Variants in TVP23A observed in about 807,000 individuals in gnomAD.
The protein encoded by TVP23A is Golgi apparatus membrane protein TVP23 homolog A.
In TVP23A, 21 loss-of-function variants were observed where a neutral mutation model predicts 31.7. That is an observed-to-expected ratio of 0.66 (90% CI 0.47 to 0.95). The LOEUF is 0.95. Ranked by LOEUF, TVP23A falls within the 40% of genes least tolerant of loss-of-function variation. The pLI is 0.00. For missense variants in TVP23A, 279 were observed against 255.6 expected, an observed-to-expected ratio of 1.09 and a Z score of -0.62; for synonymous variants, 104 against 96.0, an observed-to-expected ratio of 1.08 and a Z score of -0.49.
intron 2 of TVP23A, among the ~76,000 whole-genome samples, chr16:10,783,105 T>C (rs983765043): frequency 6.6e-6 from 1 of 152,156 alleles, no homozygotes; most frequent in Non-Finnish European, 1.5e-5. Context: ...GGAAGGGATA[T>C]GAGGGAGACT....
rs556556720 is a variant in TVP23A, at chr16:10,789,830, C to CAA, written c.90-14736_90-14735dup. 9.5e-4 allele frequency among the ~76,000 whole-genome samples: 84 copies of CAA among 88,474 alleles called. 1 individual carries two copies. The highest frequency in any genetic ancestry group is 2.4e-3 in the African/African-American group (67 of 28,334). 58.0% of individuals were successfully genotyped at this position (88,474 alleles called of 152,430 possible). A position where few individuals can be genotyped will look rare whatever the true frequency, so the allele number is the denominator to read the frequency against. ...TGGATGACAGAGTGAGACTCTGTCTCAAAAAAAAAAAAAAAAGGTACAATG... is the reference window on the plus strand; with the variant it reads ...TGGATGACAGAGTGAGACTCTGTCTCAAAAAAAAAAAAAAAAAAGGTACAATG... On this transcript the variant is annotated intron_variant, in intron 2 of 7. Coordinates refer to ENST00000299866, the MANE Select transcript of TVP23A (RefSeq NM_001079512.4).
intron 2 of TVP23A, among the ~76,000 whole-genome samples, chr16:10,782,174 C>T (rs1037063437): frequency 3.9e-5 from 6 of 151,968 alleles, no homozygotes; most frequent in African/African-American, 1.4e-4. Flanking sequence ...ATAACACAAC[C>T]TTCCCACACT....
Position 10,766,862 on chromosome 16 carries a change from C to A in TVP23A, c.*2240G>T. 2.5e-6 allele frequency: 1 copy of A among 398,408 alleles called. No homozygotes were observed. Among genetic ancestry groups the A allele is most frequent in the Non-Finnish European group, 4.4e-6 (1 of 226,074 alleles). The allele number at this position is 398,408 out of a possible 1,614,324, so 24.7% of individuals were successfully genotyped here. A position where few individuals can be genotyped will look rare whatever the true frequency, so the allele number is the denominator to read the frequency against. On this transcript the variant is annotated 3_prime_UTR_variant, in exon 8 of 8. Coordinates refer to ENST00000299866, the MANE Select transcript of TVP23A (RefSeq NM_001079512.4). This position sits in a 1 kb window ranked among gnomAD's most constrained non-coding sequence, Gnocchi z 4.8. ...AAGTTACAAAGTCATTTACGGCATA[C>A]GTCCTATGGAGAGGACATTTCCTGT...
At chr16:10,775,573 G>GCCATTCACAGGTCACA in intron 2 of TVP23A, 1 of 1,001,216 alleles carries the variant, frequency 1.0e-6, no homozygotes, top group Non-Finnish European at 1.2e-6. Flanking sequence ...CATGTGACCT[G>GCCATTCACAGGTCACA]TGAATGGCAG....
At chr16:10,807,716 G>C (rs1490504776) in intron 2 of TVP23A, among the ~76,000 whole-genome samples, 3 of 152,184 alleles carry the variant, frequency 2.0e-5, no homozygotes, top group African/African-American at 4.8e-5. Flanking sequence ...AGCATTTACA[G>C]GAGGAACATA....
chr16:10,764,825 G>A (rs1596474778), downstream of TVP23A, among the ~76,000 whole-genome samples: 1 of 94,556 alleles, frequency 1.1e-5, no homozygotes, highest in Non-Finnish European at 2.3e-5. Flanking sequence ...GTCTGCTGGA[G>A]TATGTCAGTC....
chr16:10,795,740 C>G (rs915521746), intron 2 of TVP23A, among the ~76,000 whole-genome samples: 1 of 152,156 alleles, frequency 6.6e-6, no homozygotes, highest in Non-Finnish European at 1.5e-5. Flanking sequence ...CCCTTCAGCT[C>G]ACAAATGAAA....
At chr16:10,811,533 G>A (rs930053957) in intron 2 of TVP23A, among the ~76,000 whole-genome samples, 2 of 152,016 alleles carry the variant, frequency 1.3e-5, no homozygotes, top group Admixed American at 6.6e-5. Flanking sequence ...GCCTCCCAAA[G>A]TGCTGGAACT....
chr16:10,762,069 G>A (rs1031855757), downstream of TVP23A: 10 of 507,914 alleles, frequency 2.0e-5, 1 homozygote, highest in Admixed American at 3.3e-5. Context: ...GAGCAAGCAG[G>A]CCTCAGGCAG....
At chr16:10,758,000 TG>T, downstream of TVP23A, 1 of 1,614,088 alleles carries the variant, frequency 6.2e-7, no homozygotes, top group Non-Finnish European at 8.5e-7. This position sits in a 1 kb window ranked among gnomAD's most constrained non-coding sequence, Gnocchi z 4.1. Flanking sequence ...CACACATCGA[TG>T]GAGCAGTGAT....
At chr16:10,796,687 C>G (rs954738383) in intron 2 of TVP23A, among the ~76,000 whole-genome samples, 5 of 152,184 alleles carry the variant, frequency 3.3e-5, no homozygotes, top group Non-Finnish European at 7.3e-5. Flanking sequence ...ATCAGCCCGC[C>G]TCAGACTCCC....
At chr16:10,762,092 TG>T (rs2030007238), downstream of TVP23A, 1 of 447,582 alleles carries the variant, frequency 2.2e-6, no homozygotes, top group Admixed American at 3.6e-5. Flanking sequence ...GGGTGAGGCC[TG>T]GAAGAATGGG....
intron 2 of TVP23A, among the ~76,000 whole-genome samples, chr16:10,816,198 T>C (rs1366455671): frequency 1.5e-5 from 2 of 130,396 alleles, no homozygotes; most frequent in Admixed American, 9.1e-5. Flanking sequence ...CTGCACTATA[T>C]AGCCTTGGCA....
chr16:10,797,645 G>T (rs1266868532), intron 2 of TVP23A, among the ~76,000 whole-genome samples: 5 of 152,026 alleles, frequency 3.3e-5, no homozygotes, highest in African/African-American at 9.7e-5. Context: ...GATTGAACCT[G>T]GGTGGTGGAG....
At chr16:10,780,563 C>T (rs1038856661) in intron 2 of TVP23A, among the ~76,000 whole-genome samples, 1 of 152,142 alleles carries the variant, frequency 6.6e-6, no homozygotes, top group African/African-American at 2.4e-5. Context: ...TGGCCTGCCA[C>T]CCATGGGCTT....
At chr16:10,774,420 C>T (rs1271324516) in intron 3 of TVP23A, among the ~76,000 whole-genome samples, 2 of 151,782 alleles carry the variant, frequency 1.3e-5, no homozygotes, top group East Asian at 1.9e-4. Context: ...TGGCTGTCTC[C>T]CCACCCAAAC....
intron 2 of TVP23A, among the ~76,000 whole-genome samples, chr16:10,803,950 G>C (rs2033827328): frequency 6.6e-6 from 1 of 152,186 alleles, no homozygotes; most frequent in Admixed American, 6.5e-5. Context: ...ATAATTTAAA[G>C]GGGTGAATTT....
chr16:10,814,552 GCCTTGGTCTGA>G (rs1253497994), intron 2 of TVP23A, among the ~76,000 whole-genome samples: 3 of 152,058 alleles, frequency 2.0e-5, no homozygotes, highest in African/African-American at 7.3e-5. Flanking sequence ...CCCTGCCAGT[GCCTTGGTCTGA>G]TCTCCTATCC....
At position 10,807,193 on chromosome 16, in the gene TVP23A, A is replaced by C. The variant is rs553343272; in HGVS notation, c.89+10910T>G. Among the ~76,000 whole-genome samples the C allele has an allele frequency of 1.1e-4, 16 of 152,190 alleles. No individual in the cohort carries two copies. In the South Asian group the frequency reaches 2.5e-3, roughly 24 times the overall value. On this transcript the variant is annotated intron_variant, in intron 2 of 7. Transcript: ENST00000299866. ...GGAAAATCAACAAAGAAAAACTAAAAATCTTCTCCTTAGTGTGTGGGAGCA... is the reference window on the plus strand; with the variant it reads ...GGAAAATCAACAAAGAAAAACTAAACATCTTCTCCTTAGTGTGTGGGAGCA...
Sources: allele counts gnomAD v4.1 joint callset (sites outside exome capture counted in the v4.1 genomes callset), GRCh38; gene constraint gnomAD v4.1.1; non-coding constraint Gnocchi (gnomAD v3.1); transcripts MANE v1.5; gene names NCBI Gene and HGNC (gene_info 2026-07-23, HGNC 2026-07-21).